Variants in GNG12 observed in about 807,000 individuals in gnomAD.
GNG12 encodes guanine nucleotide-binding protein G(I)/G(S)/G(O) subunit gamma-12.
For synonymous variants in GNG12, 28 were observed against 29.7 expected (o/e 0.94, Z 0.19); for missense variants, 69 against 83.8 (o/e 0.82, Z 0.69).
chr1:67,766,098 GCACACACGCA>G (rs1208292565), intron 2 of GNG12, among the ~76,000 whole-genome samples: 2 of 100,816 alleles, frequency 2.0e-5, no homozygotes, highest in African/African-American at 9.1e-5. Flanking sequence ...ACAAAACAAG[GCACACACGCA>G]CACACACACA....
chr1:67,736,354 T>C (rs1006880514), intron 2 of GNG12, among the ~76,000 whole-genome samples: 15 of 152,080 alleles, frequency 9.9e-5, no homozygotes, highest in Admixed American at 9.8e-4. Flanking sequence ...AGAAGGCTAC[T>C]GCTTCCTGAT....
At chr1:67,766,690 G>A (rs778618922) in intron 2 of GNG12, among the ~76,000 whole-genome samples, 11 of 148,160 alleles carry the variant, frequency 7.4e-5, no homozygotes, top group Non-Finnish European at 1.3e-4. Flanking sequence ...CCTCCCACCC[G>A]GTCTCCTCTG....
intron 2 of GNG12, among the ~76,000 whole-genome samples, chr1:67,775,582 CTTGGTT>C (rs1006661800): frequency 6.6e-6 from 1 of 152,204 alleles, no homozygotes; most frequent in Non-Finnish European, 1.5e-5. Context: ...CATGCTTCTT[CTTGGTT>C]GATTAAGTAC....
Position 67,759,576 on chromosome 1 carries a change from C to T in GNG12, c.-27+17882G>A, listed in dbSNP as rs1210646993. On this transcript the variant is annotated intron_variant, in intron 2 of 3. Transcript: ENST00000370982. ...AAAATGGACATAAGAACTATATGTACCTCAAAGAGTTGCTGTGAGAGTTAA... is the reference window on the plus strand; with the variant it reads ...AAAATGGACATAAGAACTATATGTATCTCAAAGAGTTGCTGTGAGAGTTAA... Among the ~76,000 whole-genome samples, 6 of 152,216 alleles carry T rather than the reference C, an allele frequency of 3.9e-5. No individual in the cohort carries two copies. In the East Asian group the frequency reaches 1.2e-3, roughly 29 times the overall value.
At chr1:67,758,281 T>G (rs1036107363) in intron 2 of GNG12, among the ~76,000 whole-genome samples, 2 of 152,218 alleles carry the variant, frequency 1.3e-5, no homozygotes, top group African/African-American at 4.8e-5. Context: ...GCCCTAGCTT[T>G]GGGTTTCCTA....
intron 2 of GNG12, among the ~76,000 whole-genome samples, chr1:67,726,528 T>C (rs796222168): frequency 1.2e-4 from 18 of 152,338 alleles, no homozygotes; most frequent in African/African-American, 4.3e-4. Flanking sequence ...AGTGCTTTAG[T>C]TGAGTGATAA....
At chr1:67,800,037 T>C (rs1408709470) in intron 1 of GNG12, among the ~76,000 whole-genome samples, 1 of 152,208 alleles carries the variant, frequency 6.6e-6, no homozygotes, top group Admixed American at 6.5e-5. Context: ...CAAAACTTGA[T>C]AAGTAGTGGC....
intron 1 of GNG12, among the ~76,000 whole-genome samples, chr1:67,794,733 G>T (rs949492226): frequency 6.6e-6 from 1 of 152,192 alleles, no homozygotes; most frequent in Non-Finnish European, 1.5e-5. Context: ...ACGTAGAATT[G>T]AGAAAATTTT....
intron 2 of GNG12, among the ~76,000 whole-genome samples, chr1:67,738,860 C>G (rs532802576): frequency 6.6e-6 from 1 of 152,272 alleles, no homozygotes; most frequent in East Asian, 1.9e-4. Context: ...TTCTGGGCAA[C>G]ACAGCAACAC....
At chr1:67,774,293 T>A (rs1299647344) in intron 2 of GNG12, among the ~76,000 whole-genome samples, 1 of 152,244 alleles carries the variant, frequency 6.6e-6, no homozygotes, top group African/African-American at 2.4e-5. Context: ...ACTTATTTTA[T>A]CTCTGACTTC....
At chr1:67,827,558 T>C (rs934600892) in intron 1 of GNG12, among the ~76,000 whole-genome samples, 1 of 152,106 alleles carries the variant, frequency 6.6e-6, no homozygotes, top group African/African-American at 2.4e-5. Context: ...TCCAAGTAGC[T>C]GGGACTACAG....
chr1:67,827,034 G>A (rs1462175154), intron 1 of GNG12, among the ~76,000 whole-genome samples: 1 of 152,240 alleles, frequency 6.6e-6, no homozygotes, highest in African/African-American at 2.4e-5. Flanking sequence ...GCTCATGTGA[G>A]TTTGCACAAA....
intron 2 of GNG12, among the ~76,000 whole-genome samples, chr1:67,751,590 T>C (rs1646539024): frequency 1.3e-5 from 2 of 152,102 alleles, no homozygotes; most frequent in Non-Finnish European, 1.5e-5. Context: ...GGGTCTTGAG[T>C]ACAAAAGTAC....
chr1:67,706,927 TG>T (rs1646252585), intron 3 of GNG12, among the ~76,000 whole-genome samples: 3 of 152,176 alleles, frequency 2.0e-5, no homozygotes, highest in Admixed American at 1.3e-4. Flanking sequence ...CCCAAAGTGC[TG>T]GGATTACAGG....
intron 1 of GNG12, among the ~76,000 whole-genome samples, chr1:67,777,754 G>A (rs1176395052): frequency 6.6e-6 from 1 of 152,160 alleles, no homozygotes; most frequent in Admixed American, 6.5e-5. Flanking sequence ...AACTATAAAT[G>A]GTAGTGTTTT....
chr1:67,763,106 A>AGAGAGAGAGG (rs767903429), intron 2 of GNG12, among the ~76,000 whole-genome samples: 14,359 of 151,150 alleles, frequency 0.095, 839 homozygotes, highest in African/African-American at 0.14. Flanking sequence ...AGAGAGAGAG[A>AGAGAGAGAGG]GAGAGAGAGA....
chr1:67,800,115 C>T lies in GNG12; in HGVS notation c.-76-22608G>A, dbSNP rs1176946588. ...TTCTGCTATATTAAAATTGATTAGT[C>T]TCTCTTGCATTGGAACAGAACTTTA... On this transcript the variant is annotated intron_variant, in intron 1 of 3. Coordinates refer to ENST00000370982, the MANE Select transcript of GNG12 (RefSeq NM_018841.6). Among the ~76,000 whole-genome samples, 3 of 152,188 alleles carry T rather than the reference C, an allele frequency of 2.0e-5. No individual in the cohort carries two copies. The South Asian group carries it at 6.2e-4, about 32-fold the overall frequency.
In GNG12 at chr1:67,775,895, A is replaced by G. The variant is rs1646702305; in HGVS notation, c.-27+1563T>C. On this transcript the variant is annotated intron_variant, in intron 2 of 3. Transcript: ENST00000370982. The stretch of plus-strand genomic sequence containing the variant: ...GTAGAGAAGGGGTAAGTGGAATGAA[A>G]TATCTTCAAGAGAGATACTGAACAG... 3.3e-5 allele frequency among the ~76,000 whole-genome samples: 5 copies of G among 152,204 alleles called. No homozygotes were observed. The South Asian group carries it at 1.0e-3, about 32-fold the overall frequency.
chr1:67,708,261 A>G (rs1169195403), intron 2 of GNG12, among the ~76,000 whole-genome samples: 1 of 152,226 alleles, frequency 6.6e-6, no homozygotes, highest in Non-Finnish European at 1.5e-5. Flanking sequence ...ATGATGTGGA[A>G]TCGTTTTGAA....
Sources: gnomAD v4.1 joint callset for allele counts (sites outside exome capture counted in the v4.1 genomes callset) on GRCh38, gnomAD v4.1.1 for gene constraint, MANE v1.5 for transcripts, NCBI Gene and HGNC (gene_info 2026-07-23, HGNC 2026-07-21) for gene names.